Variants in FRMD4A observed in about 807,000 individuals in gnomAD.
FRMD4A encodes FERM domain containing 4A.
In FRMD4A, 29 loss-of-function variants were observed where a neutral mutation model predicts 129.1. The ratio of observed to expected loss-of-function variants is 0.22; its 90% confidence interval spans 0.17 to 0.31. The LOEUF (loss-of-function observed/expected upper bound fraction) is 0.31, where lower values mean the gene tolerates loss of function less well. Ranked by LOEUF, FRMD4A falls within the 10% of genes least tolerant of loss-of-function variation. FRMD4A has a pLI of 1.00. For missense variants in FRMD4A, 1,272 were observed against 1,375.8 expected (o/e 0.92, Z 1.19); for synonymous variants, 634 against 571.6 (o/e 1.11, Z -1.56).
chr10:13,668,163 A>C (rs9651540), intron 17 of FRMD4A: 1 of 152,110 alleles, frequency 6.6e-6, no homozygotes, highest in East Asian at 1.9e-4. Flanking sequence ...AAAGAGAACT[A>C]TTTCGGAGAT....
At chr10:14,048,384 T>G (rs1834079363) in intron 2 of FRMD4A, among the ~76,000 whole-genome samples, 1 of 152,226 alleles carries the variant, frequency 6.6e-6, no homozygotes, top group African/African-American at 2.4e-5. Flanking sequence ...TGGGACTGAT[T>G]TTTTGGGAAC....
At chr10:14,199,089 T>A (rs1034836138) in intron 2 of FRMD4A, among the ~76,000 whole-genome samples, 2 of 152,088 alleles carry the variant, frequency 1.3e-5, no homozygotes, top group African/African-American at 4.8e-5. Context: ...TTTCTTCCTT[T>A]CTTATCCAAA....
intron 6 of FRMD4A, among the ~76,000 whole-genome samples, chr10:13,776,935 G>A (rs1355147646): frequency 6.6e-6 from 1 of 152,220 alleles, no homozygotes; most frequent in African/African-American, 2.4e-5. Context: ...TAAATCCAAC[G>A]AGCTAATCAC....
At chr10:14,222,929 A>T (rs1314886376) in intron 2 of FRMD4A, among the ~76,000 whole-genome samples, 1 of 152,174 alleles carries the variant, frequency 6.6e-6, no homozygotes, top group Admixed American at 6.5e-5. Context: ...CTTTACTAAA[A>T]ATACAAAAAT....
At chr10:14,155,253 C>T (rs976342553) in intron 2 of FRMD4A, among the ~76,000 whole-genome samples, 1 of 152,220 alleles carries the variant, frequency 6.6e-6, no homozygotes, top group African/African-American at 2.4e-5. Flanking sequence ...TATGATGGTG[C>T]TACTGCACTC....
intron 2 of FRMD4A, among the ~76,000 whole-genome samples, chr10:14,111,502 C>T (rs1837899652): frequency 2.6e-5 from 4 of 152,130 alleles, no homozygotes; most frequent in Admixed American, 2.6e-4. Flanking sequence ...CAGTCCTCTA[C>T]CCTGCAGGGA....
At chr10:13,996,435 C>T (rs2095622790) in intron 2 of FRMD4A, among the ~76,000 whole-genome samples, 1 of 152,206 alleles carries the variant, frequency 6.6e-6, no homozygotes, top group African/African-American at 2.4e-5. Flanking sequence ...TACACCCAGG[C>T]ACATAAATTT....
chr10:13,911,425 T>C (rs1475732586), intron 2 of FRMD4A, among the ~76,000 whole-genome samples: 2 of 152,214 alleles, frequency 1.3e-5, no homozygotes, highest in Non-Finnish European at 2.9e-5. Flanking sequence ...CGGTTTTAGA[T>C]ACTCAAGAAT....
chr10:13,947,519 G>A (rs1364586919), intron 2 of FRMD4A, among the ~76,000 whole-genome samples: 1 of 151,912 alleles, frequency 6.6e-6, no homozygotes, highest in Non-Finnish European at 1.5e-5. Flanking sequence ...GTGGTCATAC[G>A]GGATGCCTAG....
chr10:14,229,919 G>A (rs911173298), intron 2 of FRMD4A, among the ~76,000 whole-genome samples: 1 of 152,154 alleles, frequency 6.6e-6, no homozygotes, highest in African/African-American at 2.4e-5. Context: ...ATCAAAACAT[G>A]AATTGTCCTA....
At chr10:14,136,666 T>C (rs1484712636) in intron 2 of FRMD4A, among the ~76,000 whole-genome samples, 1 of 142,508 alleles carries the variant, frequency 7.0e-6, no homozygotes, top group African/African-American at 2.5e-5. Flanking sequence ...CCCCCACCCC[T>C]GCCCATCCCC....
chr10:14,159,945 G>A (rs896387067), intron 2 of FRMD4A, among the ~76,000 whole-genome samples: 1 of 152,158 alleles, frequency 6.6e-6, no homozygotes, highest in African/African-American at 2.4e-5. Context: ...AGCTACTTGG[G>A]AGGCTGAGGC....
chr10:14,020,540 C>T (rs1832694563), intron 2 of FRMD4A, among the ~76,000 whole-genome samples: 1 of 152,190 alleles, frequency 6.6e-6, no homozygotes, highest in Non-Finnish European at 1.5e-5. Flanking sequence ...TGGGAGAGGA[C>T]ACACTGGCCT....
At chr10:13,937,360 A>C (rs2095257300) in intron 2 of FRMD4A, among the ~76,000 whole-genome samples, 2 of 152,238 alleles carry the variant, frequency 1.3e-5, no homozygotes, top group Non-Finnish European at 2.9e-5. Context: ...ATGAACTAAA[A>C]AACAACTTTA....
chr10:14,115,724 A>T (rs1021100286), intron 2 of FRMD4A, among the ~76,000 whole-genome samples: 10 of 152,158 alleles, frequency 6.6e-5, no homozygotes, highest in Non-Finnish European at 2.9e-5. Context: ...TTGCCATGTG[A>T]CATCCCTGCC....
chr10:14,312,935 G>A (rs1197877833), intron 2 of FRMD4A, among the ~76,000 whole-genome samples: 1 of 152,190 alleles, frequency 6.6e-6, no homozygotes, highest in Non-Finnish European at 1.5e-5. Flanking sequence ...TGTTGCATAT[G>A]TGCAGATAAT....
intron 2 of FRMD4A, among the ~76,000 whole-genome samples, chr10:13,981,902 A>C (rs907814175): frequency 2.0e-5 from 3 of 152,164 alleles, no homozygotes; most frequent in Non-Finnish European, 4.4e-5. Context: ...TGTGCAGGTG[A>C]GGAGAAAGTG....
At chr10:14,026,520 G>A (rs558380424) in intron 2 of FRMD4A, among the ~76,000 whole-genome samples, 1 of 152,318 alleles carries the variant, frequency 6.6e-6, no homozygotes, top group African/African-American at 2.4e-5. Context: ...TCCCACAGCA[G>A]GTGTCTCTTG....
intron 2 of FRMD4A, among the ~76,000 whole-genome samples, chr10:14,168,283 A>C (rs760552119): frequency 8.5e-5 from 13 of 152,184 alleles, no homozygotes; most frequent in Non-Finnish European, 1.6e-4. Flanking sequence ...ATTACTATAA[A>C]GATCACATGA....
Sources: gnomAD v4.1 joint callset for allele counts (sites outside exome capture counted in the v4.1 genomes callset) on GRCh38, gnomAD v4.1.1 for gene constraint, MANE v1.5 for transcripts, NCBI Gene and HGNC (gene_info 2026-07-23, HGNC 2026-07-21) for gene names.